Variants in IL20RA observed in about 807,000 individuals in gnomAD.
IL20RA encodes the protein interleukin-20 receptor subunit alpha.
A neutral mutation model predicts 36.5 loss-of-function variants in IL20RA; 29 were observed. That is an observed-to-expected ratio of 0.79 (90% CI 0.59 to 1.08). IL20RA has a LOEUF of 1.08. Among genes scored for constraint, IL20RA ranks in the 50% least tolerant of loss-of-function variants. IL20RA has a pLI of 0.00. For missense variants in IL20RA, 652 were observed against 668.4 expected (o/e 0.98, Z 0.27); for synonymous variants, 279 against 267.1 (o/e 1.04, Z -0.43).
intron 1 of IL20RA, among the ~76,000 whole-genome samples, chr6:137,027,717 C>T (rs1776142661): frequency 2.0e-5 from 3 of 152,248 alleles, no homozygotes; most frequent in South Asian, 4.1e-4. Flanking sequence ...CAGTATTGTC[C>T]TCCAAAGTTA....
In IL20RA at chr6:137,001,891, C is replaced by G; in HGVS notation, c.1329G>C (p.Pro443=). 3 of 1,613,548 alleles carry G rather than the reference C, an allele frequency of 1.9e-6. No individual in the cohort carries two copies. Among genetic ancestry groups the G allele is most frequent in the Non-Finnish European group, 2.5e-6 (3 of 1,179,794 alleles). Residue 443 remains proline (P), a synonymous_variant, in exon 7 of 7, where the codon CCG becomes CCC. Transcript: ENST00000316649. The part of the protein sequence containing the change: ...ESQAALAVLG[P]QTLQYSYTPQ... ...GGGTGTATGAGTACTGTAACGTTTG[C>G]GGGCCCAAGACTGCCAACGCTGCCT...
At chr6:137,024,479 C>G (rs1776015897) in intron 1 of IL20RA, among the ~76,000 whole-genome samples, 1 of 152,204 alleles carries the variant, frequency 6.6e-6, no homozygotes, top group South Asian at 2.1e-4. Context: ...GATTTCACAT[C>G]CCAAATTAAA....
chr6:137,025,356 AC>A (rs1413385929), intron 1 of IL20RA, among the ~76,000 whole-genome samples: 1 of 152,182 alleles, frequency 6.6e-6, no homozygotes, highest in African/African-American at 2.4e-5. Flanking sequence ...TGAGAAGATG[AC>A]CATCTATGAA....
Position 137,002,331 on chromosome 6 carries a change from C to A in IL20RA, c.889G>T (p.Asp297Tyr). 2 of 1,597,984 alleles carry A rather than the reference C, an allele frequency of 1.3e-6. No homozygotes were observed. The highest frequency in any genetic ancestry group is 1.1e-5 in the South Asian group (1 of 88,042). Reference sequence around the variant, plus strand: ...TCAGCAGGCACAAAGAATCTTTTGTCAAATTCATTTCCATAAATCAAAATC... The same window carrying A: ...TCAGCAGGCACAAAGAATCTTTTGTAAAATTCATTTCCATAAATCAAAATC... ...NLILIYGNEF[D>Y]KRFFVPAEKI... is the part of the protein sequence containing the mutation. The change falls in exon 7 of 7, where the codon GAC (aspartate) becomes TAC (tyrosine). Residue 297 changes from aspartate (D) to tyrosine (Y), a missense_variant. Coordinates refer to ENST00000316649, the MANE Select transcript of IL20RA (RefSeq NM_014432.4).
intron 1 of IL20RA, among the ~76,000 whole-genome samples, chr6:137,018,513 CGTGTGTGTGTGTGTGT>C (rs3842115): frequency 1.4e-5 from 2 of 142,816 alleles, no homozygotes; most frequent in Admixed American, 7.0e-5. Flanking sequence ...CTGCCGTGTG[CGTGTGTGTGTGTGTGT>C]GTGTGTGTGT....
At chr6:137,034,955 A>C (rs1776436883) in intron 1 of IL20RA, among the ~76,000 whole-genome samples, 1 of 151,674 alleles carries the variant, frequency 6.6e-6, no homozygotes, top group Non-Finnish European at 1.5e-5. Context: ...AGAAAAAAAA[A>C]AAAAAAAAGA....
intron 1 of IL20RA, among the ~76,000 whole-genome samples, chr6:137,036,186 G>A (rs1359827454): frequency 6.6e-6 from 1 of 152,092 alleles, no homozygotes; most frequent in Non-Finnish European, 1.5e-5. Flanking sequence ...TTCCTTCATT[G>A]GACACAGACT....
intron 1 of IL20RA, among the ~76,000 whole-genome samples, chr6:137,018,366 T>G (rs1775775236): frequency 6.6e-6 from 1 of 152,218 alleles, no homozygotes. Context: ...CAAAATTAGC[T>G]CTTTAGTGTA....
At chr6:137,037,787 A>C (rs1259205639) in intron 1 of IL20RA, 1 of 152,246 alleles carries the variant, frequency 6.6e-6, no homozygotes, top group Admixed American at 6.5e-5. Flanking sequence ...TTTTCTGGAG[A>C]GGAAAGAAGA....
intron 1 of IL20RA, chr6:137,037,976 G>A (rs1325454378): frequency 2.0e-5 from 3 of 152,128 alleles, no homozygotes; most frequent in Admixed American, 2.0e-4. Context: ...GCCTGCCTGG[G>A]TGCAGGGTAG....
At chr6:137,025,121 C>T (rs1040763207) in intron 1 of IL20RA, among the ~76,000 whole-genome samples, 1 of 152,150 alleles carries the variant, frequency 6.6e-6, no homozygotes, top group Non-Finnish European at 1.5e-5. Flanking sequence ...GTTTATTTCC[C>T]TTTTATTATA....
rs1775009223 is a variant in IL20RA at position 137,000,839 on chromosome 6, T to G, written c.*719A>C. On this transcript the variant is annotated 3_prime_UTR_variant, in exon 7 of 7. Transcript: ENST00000316649. The stretch of plus-strand genomic sequence containing the variant: ...ATAAAATGTGTCATTTTCTTTTAGG[T>G]TAGTTTTGAGAGACAATAAGCCCCT... 6.6e-6 allele frequency: 1 copy of G among 152,198 alleles called. No individual in the cohort carries two copies. Among genetic ancestry groups the G allele is most frequent in the African/African-American group, 2.4e-5 (1 of 41,456 alleles). The allele number at this position is 152,198 out of a possible 1,614,324, so 9.4% of individuals were successfully genotyped here.
chr6:137,032,952 C>T (rs972647685), intron 1 of IL20RA, among the ~76,000 whole-genome samples: 21 of 152,116 alleles, frequency 1.4e-4, no homozygotes, highest in African/African-American at 5.1e-4. Flanking sequence ...AGATATAAAA[C>T]AAGAGTAATC....
intron 1 of IL20RA, among the ~76,000 whole-genome samples, chr6:137,027,548 C>T (rs561204768): frequency 1.3e-5 from 2 of 152,338 alleles, no homozygotes; most frequent in Admixed American, 1.3e-4. Flanking sequence ...CAGCTATGCG[C>T]CCTCAAGCCA....
intron 1 of IL20RA, among the ~76,000 whole-genome samples, chr6:137,029,506 C>CCAAAA (rs1776201311): frequency 6.6e-6 from 1 of 151,692 alleles, no homozygotes; most frequent in African/African-American, 2.4e-5. Context: ...GACTGTGTCT[C>CCAAAA]TAAAATAAAA....
In IL20RA at chr6:137,044,754, G is replaced by A. The variant is rs1166209076; in HGVS notation, c.-26C>T. On this transcript the variant is annotated 5_prime_UTR_variant, in exon 1 of 7. Transcript: ENST00000316649. ...GGGCGGCGGGGCTGGGTCACATGTC[G>A]GGGGGCAGCAGACTGCTCAGTCCCA... 4.6e-5 allele frequency: 56 copies of A among 1,212,302 alleles called. No individual in the cohort carries two copies. The highest frequency in any genetic ancestry group is 1.0e-4 in the East Asian group (3 of 29,830). 75.1% of individuals were successfully genotyped at this position (1,212,302 alleles called of 1,614,324 possible).
intron 1 of IL20RA, among the ~76,000 whole-genome samples, chr6:137,026,902 A>G (rs181949632): frequency 6.7e-6 from 1 of 150,184 alleles, no homozygotes. Context: ...TTTTTTTGAG[A>G]TGGAGTGTCA....
At chr6:137,012,550 T>A (rs1021769544) in intron 2 of IL20RA, among the ~76,000 whole-genome samples, 1 of 151,840 alleles carries the variant, frequency 6.6e-6, no homozygotes, top group African/African-American at 2.4e-5. Flanking sequence ...GGGCAATGGG[T>A]CTCAGGAGAG....
intron 1 of IL20RA, among the ~76,000 whole-genome samples, chr6:137,026,232 G>C (rs1776084852): frequency 6.6e-6 from 1 of 152,226 alleles, no homozygotes; most frequent in African/African-American, 2.4e-5. Flanking sequence ...CAGAGGCTCT[G>C]ATCTGTTGGA....
Sources: gnomAD v4.1 joint callset for allele counts (sites outside exome capture counted in the v4.1 genomes callset) on GRCh38, gnomAD v4.1.1 for gene constraint, MANE v1.5 for transcripts, NCBI Gene and HGNC (gene_info 2026-07-23, HGNC 2026-07-21) for gene names.